Variants in GLRA1 observed in about 807,000 individuals in gnomAD.
The protein encoded by GLRA1 is glycine receptor subunit alpha-1.
Under a neutral mutation model 48.3 loss-of-function variants are expected in GLRA1, and 37 were observed. The ratio of observed to expected loss-of-function variants is 0.77; its 90% CI spans 0.59 to 1.01. The LOEUF (loss-of-function observed/expected upper bound fraction) is 1.01, where lower values mean the gene tolerates loss of function less well. Among genes scored for constraint, GLRA1 ranks in the 50% least tolerant of loss-of-function variants. The pLI is 0.00. For missense variants in GLRA1, 427 were observed against 571.0 expected (o/e 0.75, Z 2.57); for synonymous variants, 196 against 210.7 (o/e 0.93, Z 0.60).
chr5:151,833,197 G>T (rs1763470835), intron 7 of GLRA1, among the ~76,000 whole-genome samples: 1 of 152,156 alleles, frequency 6.6e-6, no homozygotes, highest in African/African-American at 2.4e-5. Flanking sequence ...GCAAAAACAT[G>T]CCAAATTGTG....
intron 1 of GLRA1, among the ~76,000 whole-genome samples, chr5:151,906,736 A>T (rs1280220705): frequency 6.6e-6 from 1 of 152,204 alleles, no homozygotes; most frequent in Non-Finnish European, 1.5e-5. Context: ...TATTGTACAG[A>T]TGAAGTAACA....
chr5:151,844,800 G>T (rs1175398352), intron 7 of GLRA1, among the ~76,000 whole-genome samples: 2 of 151,918 alleles, frequency 1.3e-5, no homozygotes, highest in African/African-American at 4.8e-5. Flanking sequence ...TACTTCAAAA[G>T]AATATCTAAG....
At chr5:151,919,931 A>G (rs966577489) in intron 1 of GLRA1, among the ~76,000 whole-genome samples, 4 of 152,262 alleles carry the variant, frequency 2.6e-5, no homozygotes, top group South Asian at 4.1e-4. Flanking sequence ...TGACGCCCAC[A>G]TAAATGTGAT....
chr5:151,901,779 A>G (rs1163226870), intron 1 of GLRA1, among the ~76,000 whole-genome samples: 2 of 152,232 alleles, frequency 1.3e-5, no homozygotes, highest in African/African-American at 4.8e-5. Context: ...GCTATCATTC[A>G]TGATACTTTA....
chr5:151,889,877 G>C (rs1754015472), intron 2 of GLRA1, among the ~76,000 whole-genome samples: 1 of 151,998 alleles, frequency 6.6e-6, no homozygotes, highest in South Asian at 2.1e-4. Context: ...CCTGCGGTGG[G>C]GCTCCAGGAA....
intron 5 of GLRA1, 90 bp from the exon 6 acceptor site, chr5:151,855,267 G>T: frequency 7.9e-7 from 1 of 1,261,926 alleles, no homozygotes; most frequent in Non-Finnish European, 1.2e-6. Flanking sequence ...GACTGAGAGA[G>T]ACATCAGACA....
At position 151,855,155 on chromosome 5, in the gene GLRA1, G is replaced by A. The variant is rs1033838264; in HGVS notation, c.582C>T (p.Leu194=). Residue 194 remains leucine, a synonymous_variant, in exon 6 of 9, where the codon CTC becomes CTT. Coordinates refer to ENST00000274576, the MANE Select transcript of GLRA1 (RefSeq NM_000171.4). ...CTCCCTGTTCCTGCCACTCAAAGAT[G>A]AGGTCATTCATCGTATATCCAACTG... ...LESFGYTMND[L]IFEWQEQGAV... 6.2e-7 allele frequency: 1 copy of A among 1,613,938 alleles called. No individual in the cohort carries two copies. Among genetic ancestry groups the A allele is most frequent in the Non-Finnish European group, 8.5e-7 (1 of 1,179,910 alleles).
intron 6 of GLRA1, 68 bp from the exon 7 acceptor site, chr5:151,851,672 C>T: frequency 9.6e-7 from 1 of 1,039,968 alleles, no homozygotes; most frequent in East Asian, 2.4e-5. Context: ...AGGATTAGAA[C>T]AACCTCGGCT....
intron 7 of GLRA1, chr5:151,850,721 C>T (rs10078632): frequency 0.39 from 433,387 of 1,112,338 alleles, 85,543 homozygotes; most frequent in South Asian, 0.44. Context: ...GAACCCTTTT[C>T]GGTGACAGAA....
chr5:151,823,003 CAG>C (rs749092266), intron 8 of GLRA1, 40 bp from the exon 9 acceptor site: 16 of 1,548,958 alleles, frequency 1.0e-5, no homozygotes, highest in African/African-American at 1.4e-5. Flanking sequence ...TAAAATAAGA[CAG>C]GGGCTAGGCA....
intron 1 of GLRA1, among the ~76,000 whole-genome samples, chr5:151,896,673 T>A (rs1388444744): frequency 6.6e-6 from 1 of 152,256 alleles, no homozygotes; most frequent in East Asian, 1.9e-4. Context: ...TTTCCTGATA[T>A]CACTTTCACA....
In GLRA1 at chr5:151,890,915, A is replaced by G. The variant is rs187928539; in HGVS notation, c.184+1396T>C. On this transcript the variant is annotated intron_variant, in intron 2 of 8. Coordinates refer to ENST00000274576, the MANE Select transcript of GLRA1 (RefSeq NM_000171.4). ...GGGGAGTGAAGGAGCCTCAAGGTAA[A>G]TGGGGAGAGTGGGCCCAAACAGAGA... Among the ~76,000 whole-genome samples the G allele has an allele frequency of 8.9e-3, 1,282 of 143,426 alleles. 18 individuals are homozygous for G. The highest frequency in any genetic ancestry group is 0.029 in the African/African-American group (1,210 of 41,224). The allele number at this position is 143,426 out of a possible 152,430, so 94.1% of individuals were successfully genotyped here.
intron 8 of GLRA1, among the ~76,000 whole-genome samples, chr5:151,823,180 A>G (rs1001656248): frequency 5.3e-5 from 8 of 152,072 alleles, no homozygotes; most frequent in Non-Finnish European, 1.2e-4. Context: ...AAAACAGGGG[A>G]TAGGAATGTG....
intron 7 of GLRA1, among the ~76,000 whole-genome samples, chr5:151,849,376 G>C (rs148286422): frequency 0.057 from 745 of 13,034 alleles, 28 homozygotes; most frequent in East Asian, 0.24. Flanking sequence ...TCTTCCTTTC[G>C]TTTCCTTTCC....
intron 1 of GLRA1, among the ~76,000 whole-genome samples, chr5:151,902,860 G>C (rs1337022921): frequency 6.6e-6 from 1 of 152,170 alleles, no homozygotes; most frequent in East Asian, 1.9e-4. Context: ...GAGGTCCATA[G>C]AGATTAAATA....
intron 7 of GLRA1, among the ~76,000 whole-genome samples, chr5:151,848,102 A>C (rs926872437): frequency 6.6e-6 from 1 of 152,244 alleles, no homozygotes; most frequent in East Asian, 1.9e-4. Flanking sequence ...TGAGGCTGCT[A>C]TCTTAGAAAG....
chr5:151,854,426 C>A (rs1481980428), intron 6 of GLRA1, among the ~76,000 whole-genome samples: 1 of 152,206 alleles, frequency 6.6e-6, no homozygotes, highest in Admixed American at 6.5e-5. Flanking sequence ...AGCTGTTATA[C>A]CAATTGACTG....
intron 8 of GLRA1, among the ~76,000 whole-genome samples, chr5:151,824,050 G>A (rs992098971): frequency 1.3e-5 from 2 of 150,830 alleles, no homozygotes; most frequent in Admixed American, 1.3e-4. Flanking sequence ...AAAGAACACC[G>A]TCTTCTGCTT....
chr5:151,922,656 G>A (rs1306277400), intron 1 of GLRA1, among the ~76,000 whole-genome samples: 1 of 152,218 alleles, frequency 6.6e-6, no homozygotes, highest in Non-Finnish European at 1.5e-5. Flanking sequence ...TTTTCTGTTA[G>A]GCCACCACCA....
Sources: allele counts gnomAD v4.1 joint callset (sites outside exome capture counted in the v4.1 genomes callset), GRCh38; gene constraint gnomAD v4.1.1; transcripts MANE v1.5; gene names NCBI Gene and HGNC (gene_info 2026-07-23, HGNC 2026-07-21).